Variants in PARD3 observed in about 807,000 individuals in gnomAD.
PARD3 encodes the protein par-3 family cell polarity regulator, also known as partitioning defective 3 homolog.
In PARD3, 75 loss-of-function variants were observed where a neutral mutation model predicts 155.4. That is an observed-to-expected ratio of 0.48 (90% CI 0.40 to 0.58). The LOEUF (loss-of-function observed/expected upper bound fraction) is 0.58. Ranked by LOEUF, PARD3 falls within the 20% of genes least tolerant of loss-of-function variation. The pLI is 0.00. For synonymous variants in PARD3, 576 were observed against 610.5 expected, an observed-to-expected ratio of 0.94 and a Z score of 0.83; for missense variants, 1,642 against 1,721.7, an observed-to-expected ratio of 0.95 and a Z score of 0.82.
At chr10:34,814,641 G>A (rs916820828) in intron 1 of PARD3, among the ~76,000 whole-genome samples, 5 of 151,916 alleles carry the variant, frequency 3.3e-5, no homozygotes, top group Non-Finnish European at 5.9e-5. Flanking sequence ...CCGGGCGGAG[G>A]GTGAGGGCGG....
intron 22 of PARD3, among the ~76,000 whole-genome samples, chr10:34,235,631 CAAAT>C (rs1188358817): frequency 6.6e-6 from 1 of 152,112 alleles, no homozygotes; most frequent in African/African-American, 2.4e-5. Context: ...CATAAACAAA[CAAAT>C]GTGTGTGTGT....
In PARD3 at chr10:34,384,153, T is replaced by C. The variant is rs1458603179; in HGVS notation, c.992A>G (p.Asp331Gly). ...CTGTTCAAATCTTCTATTTCGAAGGTCGCCATCATTAATCCTGACAATGCA... is the reference window on the plus strand; with the variant it reads ...CTGTTCAAATCTTCTATTTCGAAGGCCGCCATCATTAATCCTGACAATGCA... ...NDCIVRINDG[D>G]LRNRRFEQAQ... is the part of the protein sequence containing the mutation. The change falls in exon 8 of 25, where the codon GAC (aspartate) becomes GGC (glycine). Residue 331 changes from aspartate to glycine, a missense_variant. Physicochemically the swap from Asp to Gly is moderately conservative, Grantham distance 94. Around this residue, in one of 3 missense-constraint regions of PARD3, gnomAD observed 1,529 missense variants for 1,587.3 expected, o/e 0.96. Transcript: ENST00000374788. The C allele has an allele frequency of 3.1e-6, 5 of 1,613,692 alleles. No homozygotes were observed. Among genetic ancestry groups the C allele is most frequent in the African/African-American group, 1.3e-5 (1 of 74,900 alleles).
chr10:34,784,974 T>TGGGG (rs1380427947), intron 1 of PARD3, among the ~76,000 whole-genome samples: 3 of 152,206 alleles, frequency 2.0e-5, no homozygotes, highest in African/African-American at 7.2e-5. Context: ...CATCACTAAG[T>TGGGG]TTCCTCCCTG....
At chr10:34,284,319 T>TA in intron 20 of PARD3, 74 bp from the exon 21 acceptor site, 2 of 823,142 alleles carry the variant, frequency 2.4e-6, no homozygotes, top group South Asian at 3.2e-5. Flanking sequence ...TAATGACATA[T>TA]ACCCAATGAA....
At chr10:34,749,997 A>G (rs960843012) in intron 1 of PARD3, among the ~76,000 whole-genome samples, 26 of 151,536 alleles carry the variant, frequency 1.7e-4, no homozygotes, top group Non-Finnish European at 3.7e-4. Flanking sequence ...ACTCCAGCCT[A>G]GGCGACAGAA....
chr10:34,767,076 G>A (rs1386402091), intron 1 of PARD3, among the ~76,000 whole-genome samples: 1 of 152,102 alleles, frequency 6.6e-6, no homozygotes, highest in Non-Finnish European at 1.5e-5. Flanking sequence ...GTGGCTTGGG[G>A]CAAACTGGAG....
chr10:34,460,628 T>C (rs2077584961), intron 4 of PARD3, among the ~76,000 whole-genome samples: 1 of 151,938 alleles, frequency 6.6e-6, no homozygotes, highest in Non-Finnish European at 1.5e-5. Context: ...GGTCAGGAGA[T>C]CGAGACCATC....
chr10:34,232,632 T>C (rs950897253), intron 22 of PARD3, among the ~76,000 whole-genome samples: 1 of 152,132 alleles, frequency 6.6e-6, no homozygotes, highest in Admixed American at 6.5e-5. Context: ...GGTCCCCAAA[T>C]TACAATATAG....
intron 12 of PARD3, among the ~76,000 whole-genome samples, chr10:34,360,769 G>C (rs1464300785): frequency 6.6e-6 from 1 of 152,088 alleles, no homozygotes; most frequent in Admixed American, 6.6e-5. Context: ...TGGGTTCAGA[G>C]AGCCTCTAAA....
intron 9 of PARD3, among the ~76,000 whole-genome samples, chr10:34,380,126 C>G (rs1715286932): frequency 3.3e-5 from 5 of 152,088 alleles, no homozygotes; most frequent in Admixed American, 3.3e-4. Flanking sequence ...AATTCTCCTA[C>G]ATTCATTATT....
intron 22 of PARD3, among the ~76,000 whole-genome samples, chr10:34,142,674 G>A (rs547274620): frequency 6.2e-4 from 94 of 152,162 alleles, no homozygotes; most frequent in African/African-American, 2.2e-3. Context: ...AAGGCAGGAA[G>A]GCAGGCAGGC....
chr10:34,123,733 G>A (rs930859532), intron 23 of PARD3, among the ~76,000 whole-genome samples: 5 of 151,800 alleles, frequency 3.3e-5, no homozygotes, highest in Non-Finnish European at 2.9e-5. Context: ...GGTCTCATAC[G>A]GTGTTTTATG....
intron 7 of PARD3, among the ~76,000 whole-genome samples, chr10:34,398,137 A>AC (rs763031837): frequency 7.2e-5 from 11 of 152,202 alleles, no homozygotes; most frequent in Non-Finnish European, 1.2e-4. Context: ...ATGTAACACT[A>AC]CCATTCAAGC....
chr10:34,740,272 G>A (rs2094985710), intron 1 of PARD3, among the ~76,000 whole-genome samples: 1 of 152,234 alleles, frequency 6.6e-6, no homozygotes, highest in South Asian at 2.1e-4. Flanking sequence ...TGAGCTGCAG[G>A]AGAGGGCTCC....
intron 5 of PARD3, among the ~76,000 whole-genome samples, chr10:34,430,164 T>TG (rs1309106677): frequency 6.6e-6 from 1 of 152,276 alleles, no homozygotes; most frequent in Non-Finnish European, 1.5e-5. Flanking sequence ...GGCATGTTCT[T>TG]GAATTATTGG....
chr10:34,193,547 C>A (rs1950806825), intron 22 of PARD3, among the ~76,000 whole-genome samples: 1 of 152,136 alleles, frequency 6.6e-6, no homozygotes, highest in African/African-American at 2.4e-5. Flanking sequence ...GATGATGCCT[C>A]CCGACAAATA....
chr10:34,395,927 C>A (rs1039445861), intron 7 of PARD3, among the ~76,000 whole-genome samples: 4 of 151,630 alleles, frequency 2.6e-5, no homozygotes, highest in Non-Finnish European at 5.9e-5. Context: ...TCTATTTCTA[C>A]ATATCAGCAG....
chr10:34,540,351 A>G (rs2083518680), intron 2 of PARD3, among the ~76,000 whole-genome samples: 1 of 152,122 alleles, frequency 6.6e-6, no homozygotes, highest in South Asian at 2.1e-4. Flanking sequence ...AAAATGCCAA[A>G]CATAGTATCT....
intron 2 of PARD3, among the ~76,000 whole-genome samples, chr10:34,608,223 T>A (rs2090614219): frequency 6.6e-6 from 1 of 152,152 alleles, no homozygotes; most frequent in Non-Finnish European, 1.5e-5. Flanking sequence ...CATACTAGAA[T>A]TAAAATAGAC....
Sources: allele counts gnomAD v4.1 joint callset (sites outside exome capture counted in the v4.1 genomes callset), GRCh38; gene constraint gnomAD v4.1.1; regional missense constraint gnomAD v4.1.1; transcripts MANE v1.5; gene names NCBI Gene and HGNC (gene_info 2026-07-23, HGNC 2026-07-21).